The following ABL2 variants were observed in gnomAD, a reference collection of about 807,000 sequenced individuals.
ABL2 encodes the protein ABL proto-oncogene 2, non-receptor tyrosine kinase.
ABL2 carries 49 observed loss-of-function variants against 107.7 expected under a neutral mutation model. The ratio of observed to expected loss-of-function variants is 0.45; its 90% confidence interval spans 0.36 to 0.58. The LOEUF (loss-of-function observed/expected upper bound fraction) is 0.58. Ranked by LOEUF, ABL2 falls within the 20% of genes least tolerant of loss-of-function variation. The pLI, the probability that ABL2 is intolerant of heterozygous loss-of-function variation, is 0.00. For missense variants in ABL2, 1,245 were observed against 1,457.0 expected (o/e 0.85, Z 2.37); for synonymous variants, 549 against 548.6 (o/e 1.00, Z -0.01).
At chr1:179,120,909 A>G (rs146157399) in intron 5 of ABL2, among the ~76,000 whole-genome samples, 115 of 152,306 alleles carry the variant, frequency 7.6e-4, no homozygotes, top group African/African-American at 2.5e-3. Context: ...GAGACAGAGC[A>G]CTTAGCTGCT....
chr1:179,174,912 AAT>A (rs760042592), intron 1 of ABL2, among the ~76,000 whole-genome samples: 1,838 of 109,498 alleles, frequency 0.017, 18 homozygotes, highest in East Asian at 0.022. Flanking sequence ...AAAAAAATAA[AAT>A]AAAAAAAATA....
intron 1 of ABL2, among the ~76,000 whole-genome samples, chr1:179,145,510 GAATT>G (rs1345522543): frequency 6.6e-6 from 1 of 152,084 alleles, no homozygotes; most frequent in East Asian, 1.9e-4. Flanking sequence ...TTTCAAAAAA[GAATT>G]AAGAAGATAA....
intron 1 of ABL2, among the ~76,000 whole-genome samples, chr1:179,162,475 C>T (rs1449308225): frequency 6.6e-6 from 1 of 152,092 alleles, no homozygotes; most frequent in African/African-American, 2.4e-5. Flanking sequence ...ACCGCAGCTA[C>T]CTGGGAGACT....
At chr1:179,182,738 G>T (rs969595898) in intron 1 of ABL2, among the ~76,000 whole-genome samples, 2 of 151,964 alleles carry the variant, frequency 1.3e-5, no homozygotes, top group African/African-American at 2.4e-5. Context: ...TTATTATTTT[G>T]ATTTGAATTA....
In ABL2 at chr1:179,107,759, A is replaced by G. The variant is rs747014761; in HGVS notation, c.3508T>C (p.Leu1170=). 1.7e-5 allele frequency: 28 copies of G among 1,613,868 alleles called. No homozygotes were observed. The highest frequency in any genetic ancestry group is 4.5e-5 in the East Asian group (2 of 44,890). ...TCACTGATTTCCTGTACACATGACA[A>G]TAAGTTATTAAGGACAGGGTTTGTC... ...PGTNPVLNNL[L]SCVQEISDVV... is the part of the protein sequence containing the mutation. The change falls in exon 12 of 12, where the codon TTG becomes CTG. Residue 1170 remains leucine (L), a synonymous_variant. Transcript: ENST00000502732.
intron 1 of ABL2, among the ~76,000 whole-genome samples, chr1:179,159,526 A>C (rs1289667444): frequency 1.3e-5 from 2 of 152,234 alleles, no homozygotes; most frequent in African/African-American, 4.8e-5. Context: ...CTGTTTAAGA[A>C]AGAGCTAGAA....
rs191517026 is a variant in ABL2 at position 179,117,251 on chromosome 1, C to T, written c.1408+81G>A. ...GGTAAAGGTAGAGGATACTGAACAT[C>T]GTAAGAGAAGCTCTAAAGAATCAAG... is the stretch of plus-strand genomic sequence containing the variant. On this transcript the variant is annotated intron_variant, in intron 8 of 11. Coordinates refer to ENST00000502732, the MANE Select transcript of ABL2 (RefSeq NM_007314.4). The T allele has an allele frequency of 7.8e-5, 109 of 1,397,562 alleles. No individual in the cohort carries two copies. In the Middle Eastern group the frequency reaches 1.2e-3, roughly 16 times the overall value. 86.6% of individuals were successfully genotyped at this position (1,397,562 alleles called of 1,614,324 possible).
intron 1 of ABL2, among the ~76,000 whole-genome samples, chr1:179,160,590 T>C (rs1659000756): frequency 6.6e-6 from 1 of 152,182 alleles, no homozygotes. Flanking sequence ...TCCAATTTCC[T>C]TCATCTTCCT....
chr1:179,198,408 C>G (rs1661452256), intron 1 of ABL2, among the ~76,000 whole-genome samples: 2 of 151,956 alleles, frequency 1.3e-5, no homozygotes, highest in Non-Finnish European at 2.9e-5. Flanking sequence ...AAAAAACCCA[C>G]CCAGGCCAGG....
Position 179,150,577 on chromosome 1 carries a change from C to G in ABL2, c.158-17203G>C, listed in dbSNP as rs551488204. On this transcript the variant is annotated intron_variant, in intron 1 of 11. Transcript: ENST00000502732. Reference sequence around the variant, plus strand: ...AACCTGAACGGATGAGGAGTGGCTTCTTATGAGTGGGCAAAGAAAGTGGTC... The same window carrying G: ...AACCTGAACGGATGAGGAGTGGCTTGTTATGAGTGGGCAAAGAAAGTGGTC... 2.6e-5 allele frequency among the ~76,000 whole-genome samples: 4 copies of G among 152,288 alleles called. No individual in the cohort carries two copies. The South Asian group carries it at 8.3e-4, about 32-fold the overall frequency.
chr1:179,218,665 T>C (rs944264828), intron 1 of ABL2, among the ~76,000 whole-genome samples: 1 of 152,228 alleles, frequency 6.6e-6, no homozygotes, highest in Non-Finnish European at 1.5e-5. Context: ...CCCAAAGCAC[T>C]AGGATTACAG....
chr1:179,153,009 T>C (rs2102734646), intron 1 of ABL2, among the ~76,000 whole-genome samples: 1 of 152,286 alleles, frequency 6.6e-6, no homozygotes, highest in South Asian at 2.1e-4. Context: ...GTGGGGTATT[T>C]CCATTAAGGA....
rs762636938 is a variant in ABL2 at position 179,105,660 on chromosome 1, G to T, written c.*2058C>A. ...ACACCTGCCAGGAATGCCCAGCACC[G>T]CGTGTCTCCTCTAATCCTCTTAACC... On this transcript the variant is annotated 3_prime_UTR_variant, in exon 12 of 12. Transcript: ENST00000502732. 71 of 226,824 alleles carry T rather than the reference G, an allele frequency of 3.1e-4. No homozygotes were observed. Among genetic ancestry groups the T allele is most frequent in the Non-Finnish European group, 3.6e-4 (41 of 114,130 alleles). The allele number at this position is 226,824 out of a possible 1,614,324, so 14.1% of individuals were successfully genotyped here.
intron 1 of ABL2, among the ~76,000 whole-genome samples, chr1:179,185,060 T>C (rs1356964554): frequency 1.3e-5 from 2 of 152,204 alleles, no homozygotes; most frequent in African/African-American, 4.8e-5. Flanking sequence ...GCTTCTTTTC[T>C]CCTTTCTCTG....
In ABL2 at chr1:179,126,892, G is replaced by C. The variant is rs1557931473; in HGVS notation, c.392-220C>G. On this transcript the variant is annotated intron_variant, in intron 3 of 11. Transcript: ENST00000502732. The surrounding 1 kb of genome is among the most constrained non-coding windows in gnomAD (Gnocchi z 4.4). ...TAACCACAGAAGTATGGTCACAAAT[G>C]GTTTTCTGGCATTTACTACAGGGTT... 6.6e-6 allele frequency among the ~76,000 whole-genome samples: 1 copy of C among 151,868 alleles called. No homozygotes were observed. Among genetic ancestry groups the C allele is most frequent in the African/African-American group, 2.4e-5 (1 of 41,350 alleles).
At chr1:179,141,747 T>C (rs1051841703) in intron 1 of ABL2, among the ~76,000 whole-genome samples, 3 of 152,182 alleles carry the variant, frequency 2.0e-5, no homozygotes, top group Non-Finnish European at 2.9e-5. Context: ...TAGGGTCAAT[T>C]TCCTGCACAA....
At chr1:179,219,909 T>C (rs758385529) in intron 1 of ABL2, among the ~76,000 whole-genome samples, 27 of 152,252 alleles carry the variant, frequency 1.8e-4, no homozygotes, top group Non-Finnish European at 3.4e-4. Context: ...CACAATCATC[T>C]TGAGGTAAAT....
intron 2 of ABL2, 92 bp from the exon 3 acceptor site, chr1:179,131,573 G>A: frequency 7.5e-7 from 1 of 1,336,258 alleles, no homozygotes; most frequent in Admixed American, 1.8e-5. Flanking sequence ...TTCAGCTGCT[G>A]GCTCCAGAGT....
intron 10 of ABL2, among the ~76,000 whole-genome samples, chr1:179,111,818 T>C (rs1436778876): frequency 2.0e-5 from 3 of 152,032 alleles, no homozygotes; most frequent in African/African-American, 7.2e-5. Flanking sequence ...CTGAAGTGGG[T>C]GGATCACTTA....
Sources: allele counts gnomAD v4.1 joint callset (sites outside exome capture counted in the v4.1 genomes callset), GRCh38; gene constraint gnomAD v4.1.1; non-coding constraint Gnocchi (gnomAD v3.1); transcripts MANE v1.5; gene names NCBI Gene and HGNC (gene_info 2026-07-23, HGNC 2026-07-21).